SUN1: variants seen among roughly 807,000 people sequenced by gnomAD.
The protein encoded by SUN1 is Sad1 and UNC84 domain containing 1.
Under a neutral mutation model 103.2 loss-of-function variants are expected in SUN1, and 61 were observed. The observed-to-expected ratio is 0.59, with a 90% confidence interval of 0.48 to 0.73. The LOEUF (loss-of-function observed/expected upper bound fraction) is 0.73, where lower values mean the gene tolerates loss of function less well. Ranked by LOEUF, SUN1 falls within the 30% of genes least tolerant of loss-of-function variation. SUN1 has a pLI of 0.00. For synonymous variants in SUN1, 490 were observed against 425.7 expected, an observed-to-expected ratio of 1.15 and a Z score of -1.86; for missense variants, 1,052 against 1,034.6, an observed-to-expected ratio of 1.02 and a Z score of -0.23.
At chr7:825,159 C>T (rs1291947265) in intron 1 of SUN1, among the ~76,000 whole-genome samples, 5 of 152,054 alleles carry the variant, frequency 3.3e-5, no homozygotes, top group Admixed American at 2.0e-4. Context: ...CCCGGGTTCA[C>T]GCCATTCTCC....
intron 10 of SUN1, 44 bp from the exon 11 acceptor site, chr7:854,876 G>A (rs539208997): frequency 6.7e-7 from 1 of 1,492,574 alleles, no homozygotes; most frequent in Non-Finnish European, 9.3e-7. Flanking sequence ...GGTTTTTGTT[G>A]CTTAACTTTC....
intron 1 of SUN1, among the ~76,000 whole-genome samples, chr7:836,687 C>G (rs1194964412): frequency 6.6e-6 from 1 of 152,188 alleles, no homozygotes; most frequent in Non-Finnish European, 1.5e-5. Flanking sequence ...AGTCTGCTTT[C>G]CTAGTGTTTT....
chr7:815,848 C>T (rs1041175854), upstream of SUN1: 2 of 208,004 alleles, frequency 9.6e-6, no homozygotes, highest in Non-Finnish European at 2.0e-5. Flanking sequence ...CGCCTGCGCA[C>T]GCCCGGAGCG....
At chr7:818,192 A>G (rs1028354986) in intron 1 of SUN1, among the ~76,000 whole-genome samples, 1 of 152,152 alleles carries the variant, frequency 6.6e-6, no homozygotes, top group Non-Finnish European at 1.5e-5. Context: ...GCCACTGCCC[A>G]TTCTTCCGTC....
chr7:838,717 T>C (rs771444026), intron 1 of SUN1, 81 bp from the exon 2 acceptor site: 7 of 1,369,012 alleles, frequency 5.1e-6, no homozygotes, highest in Non-Finnish European at 6.8e-6. Flanking sequence ...TACATTGCAC[T>C]TTCAGTTTAT....
intron 1 of SUN1, chr7:817,546 G>A: frequency 6.5e-7 from 1 of 1,532,608 alleles, no homozygotes; most frequent in Non-Finnish European, 8.7e-7. Context: ...GCAGCTTGTG[G>A]TTGCTGCGTC....
At chr7:820,411 T>C (rs1474275650) in intron 1 of SUN1, among the ~76,000 whole-genome samples, 1 of 152,258 alleles carries the variant, frequency 6.6e-6, no homozygotes, top group Non-Finnish European at 1.5e-5. Context: ...AACTGACTTT[T>C]TATTGATCTT....
intron 1 of SUN1, among the ~76,000 whole-genome samples, chr7:836,016 G>A (rs1012179044): frequency 2.0e-5 from 3 of 152,256 alleles, no homozygotes; most frequent in African/African-American, 4.8e-5. Context: ...CATGGAGGCC[G>A]GGGGGCCTGG....
chr7:846,635 G>A (rs1816082304), intron 5 of SUN1, among the ~76,000 whole-genome samples: 1 of 152,122 alleles, frequency 6.6e-6, no homozygotes. Context: ...AGATCTTGTG[G>A]GAGGCGGAGG....
intron 10 of SUN1, 85 bp from the exon 11 acceptor site, chr7:854,834 TC>T (rs1562728446): frequency 2.2e-6 from 2 of 896,674 alleles, no homozygotes; most frequent in African/African-American, 3.4e-5. Context: ...TTGTCGGTAT[TC>T]CGTGTAGAAA....
chr7:817,133 G>A (rs1221524515), intron 1 of SUN1: 1 of 391,816 alleles, frequency 2.6e-6, no homozygotes, highest in African/African-American at 2.1e-5. Flanking sequence ...TGGGAAGACG[G>A]TTTTATTTAA....
At position 873,316 on chromosome 7, in the gene SUN1, C is replaced by T. The variant is rs780548600; in HGVS notation, c.2343C>T (p.Gly781=). 3.7e-6 allele frequency: 6 copies of T among 1,613,998 alleles called. No homozygotes were observed. The highest frequency in any genetic ancestry group is 3.3e-5 in the South Asian group (3 of 91,072). ...GTCTGTATCGGTTCAGAGTTCATGG[C>T]GAACCTGTCAAGTGAAGACACTACT... ...YTCLYRFRVH[G]EPVK Residue 781 remains glycine, a synonymous_variant, in exon 19 of 19, where the codon GGC becomes GGT. Transcript: ENST00000401592.
rs777969470 is a variant in SUN1 at position 832,540 on chromosome 7, C to A, written c.16C>A (p.Leu6Ile). The A allele has an allele frequency of 9.9e-6, 16 of 1,613,326 alleles. No individual in the cohort carries two copies. Among genetic ancestry groups the A allele is most frequent in the Admixed American group, 1.7e-5 (1 of 59,922 alleles). ...AGTGGTGAACATGGATTTTTCTCGG[C>A]TTCACATGTACAGTCCTCCCCAGTG... MDFSRLHMYSPPQCVP... is the reference protein window; with the variant it reads MDFSRIHMYSPPQCVP... Residue 6 changes from leucine to isoleucine, a missense_variant, in exon 1 of 19, where the codon CTT (leucine) becomes ATT (isoleucine). This residue lies in a region of SUN1 where 846 missense variants were observed against 774.5 expected (regional missense o/e 1.09). Coordinates refer to ENST00000401592, the MANE Select transcript of SUN1 (RefSeq NM_001130965.3).
intron 5 of SUN1, among the ~76,000 whole-genome samples, chr7:846,429 AG>A (rs1699863832): frequency 6.6e-6 from 1 of 151,804 alleles, no homozygotes; most frequent in African/African-American, 2.4e-5. Flanking sequence ...TATCTTTTAA[AG>A]TGAGAGGTGG....
chr7:823,797 G>A (rs944094755), intron 1 of SUN1, among the ~76,000 whole-genome samples: 1 of 152,182 alleles, frequency 6.6e-6, no homozygotes, highest in African/African-American at 2.4e-5. Context: ...GAATGGAGAG[G>A]GGGCATGGGG....
intron 1 of SUN1, among the ~76,000 whole-genome samples, chr7:819,986 T>A (rs1784501725): frequency 1.3e-5 from 2 of 152,170 alleles, no homozygotes; most frequent in Non-Finnish European, 2.9e-5. Flanking sequence ...TATTTTGTAG[T>A]AAGTTTTGAA....
At chr7:865,908 A>T in intron 15 of SUN1, 44 bp from the exon 16 acceptor site, 2 of 1,550,794 alleles carry the variant, frequency 1.3e-6, no homozygotes, top group Non-Finnish European at 1.8e-6. Context: ...TGCTTCCAAA[A>T]TGGTGGAACT....
At chr7:820,676 G>A (rs1785050754) in intron 1 of SUN1, among the ~76,000 whole-genome samples, 1 of 152,178 alleles carries the variant, frequency 6.6e-6, no homozygotes, top group Non-Finnish European at 1.5e-5. Context: ...GACATTCACT[G>A]AGTTTTTCAT....
intron 5 of SUN1, among the ~76,000 whole-genome samples, chr7:845,114 C>T (rs778061315): frequency 6.6e-6 from 1 of 152,172 alleles, no homozygotes; most frequent in African/African-American, 2.4e-5. Flanking sequence ...GCCACCGAAA[C>T]GTGCTGTTTT....
Sources: gnomAD v4.1 joint callset for allele counts (sites outside exome capture counted in the v4.1 genomes callset) on GRCh38, gnomAD v4.1.1 for gene constraint, gnomAD v4.1.1 regional missense constraint, MANE v1.5 for transcripts, NCBI Gene and HGNC (gene_info 2026-07-23, HGNC 2026-07-21) for gene names.